PCDHA8: variants seen among roughly 807,000 people sequenced by gnomAD.
The protein encoded by PCDHA8 is protocadherin alpha-8.
A neutral mutation model predicts 61.8 loss-of-function variants in PCDHA8; 53 were observed. The observed-to-expected ratio is 0.86, with a 90% confidence interval of 0.69 to 1.08. The LOEUF (loss-of-function observed/expected upper bound fraction) is 1.08. Ranked by LOEUF, PCDHA8 falls within the 50% of genes least tolerant of loss-of-function variation. PCDHA8 has a pLI of 0.00. For synonymous variants in PCDHA8, 618 were observed against 556.6 expected (o/e 1.11, Z -1.55); for missense variants, 1,293 against 1,245.0 (o/e 1.04, Z -0.58).
At chr5:140,966,528 G>C in intron 1 of PCDHA8, 1 of 446,634 alleles carries the variant, frequency 2.2e-6, no homozygotes, top group Non-Finnish European at 3.9e-6. Context: ...AGCCGAGCCG[G>C]GTTGAGCGAC....
chr5:141,010,265 G>A lies in PCDHA8; in HGVS notation c.*328G>A, dbSNP rs1554262846. ...GTTGGACTCTCTGCCCTGTGCTCCGGGGATCCTGTCTTGATGACACTTGCA... is the reference window on the plus strand; with the variant it reads ...GTTGGACTCTCTGCCCTGTGCTCCGAGGATCCTGTCTTGATGACACTTGCA... On this transcript the variant is annotated 3_prime_UTR_variant, in exon 4 of 4. Coordinates refer to ENST00000531613, the MANE Select transcript of PCDHA8 (RefSeq NM_018911.3). 6.4e-7 allele frequency: 1 copy of A among 1,551,726 alleles called. No homozygotes were observed. The highest frequency in any genetic ancestry group is 8.7e-7 in the Non-Finnish European group (1 of 1,147,006).
chr5:140,966,260 A>C, intron 1 of PCDHA8: 1 of 339,990 alleles, frequency 2.9e-6, no homozygotes, highest in Admixed American at 4.8e-5. Context: ...GACGGTGGAG[A>C]CTGGATGAAC....
chr5:140,856,440 G>C, intron 1 of PCDHA8: 2 of 1,598,404 alleles, frequency 1.3e-6, no homozygotes, highest in East Asian at 2.2e-5. Context: ...AACCCGCCCA[G>C]GTTCTCCGTA....
intron 1 of PCDHA8, among the ~76,000 whole-genome samples, chr5:140,937,820 G>T (rs554138611): frequency 2.6e-5 from 4 of 151,792 alleles, no homozygotes; most frequent in African/African-American, 9.7e-5. Flanking sequence ...GCTGAGGCAG[G>T]AGAATGGCAT....
Position 141,010,090 on chromosome 5 carries a change from C to A in PCDHA8, c.*153C>A. On this transcript the variant is annotated 3_prime_UTR_variant, in exon 4 of 4. Transcript: ENST00000531613. ...AAGTTCCCTGTGTCTGTCTAGAACG[C>A]ATTTAACAGGTTTTGTCGTAAAAGC... 1 of 1,612,636 alleles carries A rather than the reference C, an allele frequency of 6.2e-7. No homozygotes were observed. Among genetic ancestry groups the A allele is most frequent in the Non-Finnish European group, 8.5e-7 (1 of 1,179,276 alleles).
intron 1 of PCDHA8, chr5:140,883,801 C>T (rs782690228): frequency 4.3e-6 from 7 of 1,612,430 alleles, no homozygotes; most frequent in Non-Finnish European, 5.9e-6. Context: ...TGTCGGTGCA[C>T]GCGGAGAGCG....
At chr5:140,941,648 T>C (rs975692197) in intron 1 of PCDHA8, among the ~76,000 whole-genome samples, 1 of 152,074 alleles carries the variant, frequency 6.6e-6, no homozygotes, top group Non-Finnish European at 1.5e-5. Context: ...TTCCTACAAC[T>C]TATGTCCAAT....
rs538024116 is a variant in PCDHA8 at position 140,945,235 on chromosome 5, T to C, written c.2395-33714T>C. Among the ~76,000 whole-genome samples the C allele has an allele frequency of 1.1e-4, 17 of 152,128 alleles. No homozygotes were observed. In the South Asian group the frequency reaches 3.5e-3, roughly 32 times the overall value. On this transcript the variant is annotated intron_variant, in intron 1 of 3. Coordinates refer to ENST00000531613, the MANE Select transcript of PCDHA8 (RefSeq NM_018911.3). ...GAAAATAAAAATACTTAGGAATAAA[T>C]TTAACCAAGAGGATGAAAGACCTGC...
In PCDHA8 at chr5:140,853,190, C is replaced by A. The variant is rs1013741160; in HGVS notation, c.2394+9475C>A. On this transcript the variant is annotated intron_variant, in intron 1 of 3. Transcript: ENST00000531613. ...CACCGCGCCTGGCCTAAAATGTGTT[C>A]TTTATTATTGACGGCTGTATTGATG... is the stretch of plus-strand genomic sequence containing the variant. 7.1e-6 allele frequency: 7 copies of A among 980,440 alleles called. No individual in the cohort carries two copies. In the African/African-American group the frequency reaches 1.2e-4, roughly 17 times the overall value. The allele number at this position is 980,440 out of a possible 1,614,324, so 60.7% of individuals were successfully genotyped here.
chr5:140,980,036 G>A (rs952735379), intron 2 of PCDHA8, among the ~76,000 whole-genome samples: 9 of 152,294 alleles, frequency 5.9e-5, no homozygotes, highest in Non-Finnish European at 1.0e-4. Flanking sequence ...ATTACATTGG[G>A]TGCTATTTCT....
At chr5:140,857,104 T>G in intron 1 of PCDHA8, 6 of 1,597,962 alleles carry the variant, frequency 3.8e-6, no homozygotes, top group Non-Finnish European at 5.1e-6. Flanking sequence ...TGATTGTCAC[T>G]TCTCTGTCTC....
chr5:140,851,936 G>C (rs1554145612), intron 1 of PCDHA8: 1 of 965,662 alleles, frequency 1.0e-6, no homozygotes, highest in African/African-American at 1.8e-5. Flanking sequence ...CTGAATTGTA[G>C]TATGTGACTT....
intron 1 of PCDHA8, among the ~76,000 whole-genome samples, chr5:140,970,633 A>G (rs2096420540): frequency 6.6e-6 from 1 of 152,210 alleles, no homozygotes; most frequent in Admixed American, 6.5e-5. Context: ...AAAATTTTGT[A>G]CCATAAATAG....
At chr5:140,844,668 T>A (rs540390945) in intron 1 of PCDHA8, among the ~76,000 whole-genome samples, 1 of 149,604 alleles carries the variant, frequency 6.7e-6, no homozygotes, top group Non-Finnish European at 1.5e-5. Flanking sequence ...AAACATATAA[T>A]TTATAAATCC....
chr5:140,870,750 G>T, intron 1 of PCDHA8: 1 of 1,613,506 alleles, frequency 6.2e-7, no homozygotes, highest in Non-Finnish European at 8.5e-7. Flanking sequence ...GCAACGTGAC[G>T]CTGCAGGTGT....
At chr5:140,875,707 C>T in intron 1 of PCDHA8, 1 of 1,614,166 alleles carries the variant, frequency 6.2e-7, no homozygotes. Flanking sequence ...GGAGGTAAAT[C>T]TGCAGAATGG....
In PCDHA8 at chr5:140,929,128, A is replaced by G. The variant is rs142487298; in HGVS notation, c.2395-49821A>G. On this transcript the variant is annotated intron_variant, in intron 1 of 3. Transcript: ENST00000531613. Reference sequence around the variant, plus strand: ...GACATCAGCCACCATAGATGTCACTACAGTTGAGAGACTTTCTCAGACTTA... The same window carrying G: ...GACATCAGCCACCATAGATGTCACTGCAGTTGAGAGACTTTCTCAGACTTA... The G allele has an allele frequency of 8.1e-6, 13 of 1,614,054 alleles. No individual in the cohort carries two copies. In the African/African-American group the frequency reaches 1.5e-4, roughly 18 times the overall value.
intron 1 of PCDHA8, chr5:140,870,604 C>T (rs376574285): frequency 1.9e-6 from 3 of 1,613,134 alleles, no homozygotes; most frequent in African/African-American, 2.7e-5. Context: ...GTTGGGCGAC[C>T]GCGCGCTGTC....
In PCDHA8 at chr5:141,010,279, A is replaced by T. The variant is rs2098416787; in HGVS notation, c.*342A>T. 2.6e-6 allele frequency: 4 copies of T among 1,551,490 alleles called. No homozygotes were observed. The highest frequency in any genetic ancestry group is 3.5e-6 in the Non-Finnish European group (4 of 1,146,936). ...CCTGTGCTCCGGGGATCCTGTCTTG[A>T]TGACACTTGCAGGGCAGGCTGAAAA... On this transcript the variant is annotated 3_prime_UTR_variant, in exon 4 of 4. Coordinates refer to ENST00000531613, the MANE Select transcript of PCDHA8 (RefSeq NM_018911.3).
Sources: allele counts gnomAD v4.1 joint callset (sites outside exome capture counted in the v4.1 genomes callset), GRCh38; gene constraint gnomAD v4.1.1; transcripts MANE v1.5; gene names NCBI Gene and HGNC (gene_info 2026-07-23, HGNC 2026-07-21).